The following ATP8A1 variants were observed in gnomAD, a reference collection of about 807,000 sequenced individuals.
ATP8A1 encodes the protein phospholipid-transporting ATPase IA.
In ATP8A1, 90 loss-of-function variants were observed where a neutral mutation model predicts 177.7. The ratio of observed to expected loss-of-function variants is 0.51; its 90% CI spans 0.43 to 0.60. The LOEUF (loss-of-function observed/expected upper bound fraction) is 0.60. Ranked by LOEUF, ATP8A1 falls within the 20% of genes least tolerant of loss-of-function variation. ATP8A1 has a pLI of 0.00. For synonymous variants in ATP8A1, 493 were observed against 485.9 expected (o/e 1.01, Z -0.19); for missense variants, 1,072 against 1,392.8 (o/e 0.77, Z 3.67).
chr4:42,623,876 C>A (rs59123273), intron 4 of ATP8A1, among the ~76,000 whole-genome samples: 44,747 of 151,564 alleles, frequency 0.3, 7,394 homozygotes, highest in African/African-American at 0.45. Context: ...TTCTCTCTCT[C>A]TATATATATA....
intron 8 of ATP8A1, among the ~76,000 whole-genome samples, chr4:42,587,699 C>T (rs534031226): frequency 4.6e-5 from 7 of 152,030 alleles, no homozygotes; most frequent in African/African-American, 1.4e-4. Flanking sequence ...CTCCGCCTCC[C>T]GGGTTCACGC....
chr4:42,464,874 T>C lies in ATP8A1; in HGVS notation c.2508+19A>G. The C allele has an allele frequency of 6.2e-7, 1 of 1,613,424 alleles. No individual in the cohort carries two copies. The highest frequency in any genetic ancestry group is 8.5e-7 in the Non-Finnish European group (1 of 1,179,412). On this transcript the variant is annotated intron_variant, in intron 26 of 36. Transcript: ENST00000381668. Reference sequence around the variant, plus strand: ...GTTGACTGAGAGGAATGATGTGTTTTGCAGAAATGACGCTTTACCTGAGCT... The same window carrying C: ...GTTGACTGAGAGGAATGATGTGTTTCGCAGAAATGACGCTTTACCTGAGCT...
In ATP8A1 at chr4:42,533,017, A is replaced by G. The variant is rs532680544; in HGVS notation, c.1723-8170T>C. Reference sequence around the variant, plus strand: ...CCTTTTTTGGACTCAGCCCACCTGCACCCAGGTGAAATAAACAGCCTTGTT... The same window carrying G: ...CCTTTTTTGGACTCAGCCCACCTGCGCCCAGGTGAAATAAACAGCCTTGTT... On this transcript the variant is annotated intron_variant, in intron 20 of 36. Transcript: ENST00000381668. Among the ~76,000 whole-genome samples the G allele has an allele frequency of 5.3e-5, 8 of 152,288 alleles. No homozygotes were observed. In the South Asian group the frequency reaches 1.7e-3, roughly 32 times the overall value.
chr4:42,408,783 G>A lies in ATP8A1; in HGVS notation c.*4133C>T, dbSNP rs1712260965. On this transcript the variant is annotated 3_prime_UTR_variant, in exon 37 of 37. Transcript: ENST00000381668. The stretch of plus-strand genomic sequence containing the variant: ...TGACGATTAAAGTAGTTAAACAACA[G>A]ATAGTATTTACTGCATTTATGGCTT... The A allele has an allele frequency of 6.6e-6, 1 of 152,140 alleles. No individual in the cohort carries two copies. Among genetic ancestry groups the A allele is most frequent in the African/African-American group, 2.4e-5 (1 of 41,436 alleles). 9.4% of individuals were successfully genotyped at this position (152,140 alleles called of 1,614,324 possible).
rs192959510 is a variant in ATP8A1 at position 42,497,965 on chromosome 4, C to T, written c.2151+5485G>A. ...GCTTCTGATAGGGATACATTAACACCTTCAAAGTTAAACTTTGATCTTAAA... is the reference window on the plus strand; with the variant it reads ...GCTTCTGATAGGGATACATTAACACTTTCAAAGTTAAACTTTGATCTTAAA... On this transcript the variant is annotated intron_variant, in intron 24 of 36. Transcript: ENST00000381668. 5.6e-4 allele frequency among the ~76,000 whole-genome samples: 86 copies of T among 152,262 alleles called. 1 individual carries two copies. The highest frequency in any genetic ancestry group is 3.7e-4 in the Non-Finnish European group (25 of 68,026).
At chr4:42,467,206 T>G (rs1014715383) in intron 25 of ATP8A1, among the ~76,000 whole-genome samples, 1 of 152,162 alleles carries the variant, frequency 6.6e-6, no homozygotes, top group Non-Finnish European at 1.5e-5. Flanking sequence ...ATACTGTAAT[T>G]TTCAACACCC....
intron 24 of ATP8A1, among the ~76,000 whole-genome samples, chr4:42,497,840 A>G (rs771789828): frequency 2.6e-5 from 4 of 152,242 alleles, no homozygotes; most frequent in Non-Finnish European, 5.9e-5. Flanking sequence ...CAAATGTAAC[A>G]AAGTTGGCTT....
chr4:42,625,686 G>A lies in ATP8A1; in HGVS notation c.192C>T (p.Phe64=), dbSNP rs368745947. 7.5e-6 allele frequency: 12 copies of A among 1,606,426 alleles called. No individual in the cohort carries two copies. Among genetic ancestry groups the A allele is most frequent in the African/African-American group, 1.3e-5 (1 of 74,666 alleles). ...ACTGAGAGTAGAGAAATCTTGGAAG[G>A]AATGTGATTATGTTGTATTTTGCAG... The part of the protein sequence containing the change: ...VSTAKYNIIT[F]LPRFLYSQFR... Residue 64 remains phenylalanine, a synonymous_variant, in exon 3 of 37, where the codon TTC becomes TTT. Coordinates refer to ENST00000381668, the MANE Select transcript of ATP8A1 (RefSeq NM_006095.2).
chr4:42,553,204 G>C (rs1729686292), intron 16 of ATP8A1, among the ~76,000 whole-genome samples: 1 of 152,170 alleles, frequency 6.6e-6, no homozygotes, highest in Non-Finnish European at 1.5e-5. Context: ...TAGTGAGAAA[G>C]GCAGATGTAG....
intron 30 of ATP8A1, among the ~76,000 whole-genome samples, chr4:42,451,745 C>T (rs768586529): frequency 2.6e-5 from 4 of 152,160 alleles, no homozygotes; most frequent in Non-Finnish European, 5.9e-5. Context: ...TAACTCTCTG[C>T]AAGTTTGGAA....
intron 6 of ATP8A1, among the ~76,000 whole-genome samples, chr4:42,593,229 T>G (rs1734368166): frequency 6.6e-6 from 1 of 152,076 alleles, no homozygotes; most frequent in Non-Finnish European, 1.5e-5. Flanking sequence ...AAGCTCTCCC[T>G]CAAGCTAATT....
chr4:42,450,594 C>T (rs192704353), intron 30 of ATP8A1, among the ~76,000 whole-genome samples: 1 of 152,288 alleles, frequency 6.6e-6, no homozygotes, highest in Non-Finnish European at 1.5e-5. Flanking sequence ...GCTCATTCCA[C>T]AGCCTAGACA....
At chr4:42,514,093 T>C (rs958027488) in intron 22 of ATP8A1, among the ~76,000 whole-genome samples, 5 of 152,228 alleles carry the variant, frequency 3.3e-5, no homozygotes, top group African/African-American at 7.2e-5. Context: ...CCTTAAACCA[T>C]TGGAATGGCT....
intron 5 of ATP8A1, among the ~76,000 whole-genome samples, chr4:42,603,737 C>G (rs987158094): frequency 3.3e-5 from 5 of 152,176 alleles, no homozygotes; most frequent in Non-Finnish European, 7.4e-5. Context: ...ACCCCTAGTT[C>G]AAGGAACCAC....
At position 42,410,144 on chromosome 4, in the gene ATP8A1, A is replaced by C. The variant is rs545956681; in HGVS notation, c.*2772T>G. The C allele has an allele frequency of 6.6e-6, 1 of 152,294 alleles. No individual in the cohort carries two copies. The highest frequency in any genetic ancestry group is 1.5e-5 in the Non-Finnish European group (1 of 68,002). 9.4% of individuals were successfully genotyped at this position (152,294 alleles called of 1,614,324 possible). ...CACTGTTTTCCTAATAATATCTACA[A>C]TATAACATCTTTCTGGGTGTGAGAC... On this transcript the variant is annotated 3_prime_UTR_variant, in exon 37 of 37. Transcript: ENST00000381668.
chr4:42,628,740 T>C lies in ATP8A1; in HGVS notation c.50-1631A>G, dbSNP rs73810767. On this transcript the variant is annotated intron_variant, in intron 1 of 36. Coordinates refer to ENST00000381668, the MANE Select transcript of ATP8A1 (RefSeq NM_006095.2). ...AGGGAGATCAATCTTTAAAAAAAATTGAGTCCTTTATTAGGTCTTCCTTCG... is the reference window on the plus strand; with the variant it reads ...AGGGAGATCAATCTTTAAAAAAAATCGAGTCCTTTATTAGGTCTTCCTTCG... Among the ~76,000 whole-genome samples the C allele has an allele frequency of 7.8e-3, 1,191 of 152,258 alleles. 19 individuals are homozygous for C. Among genetic ancestry groups the C allele is most frequent in the African/African-American group, 0.027 (1,130 of 41,554 alleles).
At chr4:42,463,369 T>C (rs948903572) in intron 27 of ATP8A1, among the ~76,000 whole-genome samples, 1 of 152,040 alleles carries the variant, frequency 6.6e-6, no homozygotes, top group Non-Finnish European at 1.5e-5. Flanking sequence ...TAAAGAGGAG[T>C]TCCCCTGCAC....
rs187450993 is a variant in ATP8A1, at chr4:42,529,621, C to T, written c.1723-4774G>A. Among the ~76,000 whole-genome samples the T allele has an allele frequency of 3.9e-5, 6 of 152,248 alleles. No individual in the cohort carries two copies. In the East Asian group the frequency reaches 7.7e-4, roughly 20 times the overall value. Reference sequence around the variant, plus strand: ...GTGCCTTCTCTTCCCCAGCCTGCACCGATGGCCTCATGGGGAGTTCCCTAT... The same window carrying T: ...GTGCCTTCTCTTCCCCAGCCTGCACTGATGGCCTCATGGGGAGTTCCCTAT... On this transcript the variant is annotated intron_variant, in intron 20 of 36. Transcript: ENST00000381668.
At chr4:42,552,693 G>T in intron 16 of ATP8A1, 83 bp from the exon 17 acceptor site, 1 of 1,017,908 alleles carries the variant, frequency 9.8e-7, no homozygotes. Flanking sequence ...TGTCTATTAA[G>T]AACATAGTTG....
Sources: allele counts gnomAD v4.1 joint callset (sites outside exome capture counted in the v4.1 genomes callset), GRCh38; gene constraint gnomAD v4.1.1; transcripts MANE v1.5; gene names NCBI Gene and HGNC (gene_info 2026-07-23, HGNC 2026-07-21).